Variants in JAKMIP1 observed in about 807,000 individuals in gnomAD.
The protein encoded by JAKMIP1 is janus kinase and microtubule interacting protein 1.
Under a neutral mutation model 113.0 loss-of-function variants are expected in JAKMIP1, and 33 were observed. That is an observed-to-expected ratio of 0.29 (90% CI 0.22 to 0.39). JAKMIP1 has a LOEUF of 0.39. Among genes scored for constraint, JAKMIP1 ranks in the 10% least tolerant of loss-of-function variants. The pLI is 1.00. For missense variants in JAKMIP1, 813 were observed against 1,080.5 expected, an observed-to-expected ratio of 0.75 and a Z score of 3.47; for synonymous variants, 480 against 459.9, an observed-to-expected ratio of 1.04 and a Z score of -0.56.
Position 6,153,113 on chromosome 4 carries a change from C to T in JAKMIP1, c.-147-40116G>A, listed in dbSNP as rs1462053458. 6.6e-6 allele frequency among the ~76,000 whole-genome samples: 1 copy of T among 152,148 alleles called. No homozygotes were observed. Among genetic ancestry groups the T allele is most frequent in the East Asian group, 1.9e-4 (1 of 5,192 alleles). ...CCCTCCCCTACCTGCCTGAAGACTACACAGGCAGATTCACACTTGCCAGCC... is the reference window on the plus strand; with the variant it reads ...CCCTCCCCTACCTGCCTGAAGACTATACAGGCAGATTCACACTTGCCAGCC... On this transcript the variant is annotated intron_variant, in intron 1 of 20. Transcript: ENST00000409021. The surrounding 1 kb of genome is among the most constrained non-coding windows in gnomAD (Gnocchi z 4.9).
intron 1 of JAKMIP1, among the ~76,000 whole-genome samples, chr4:6,198,253 G>A (rs4688973): frequency 0.86 from 131,469 of 152,230 alleles, 57,045 homozygotes; most frequent in East Asian, 0.98. Context: ...GATGGAACCT[G>A]AGAGCTGGGC....
intron 1 of JAKMIP1, among the ~76,000 whole-genome samples, chr4:6,166,336 G>C (rs1233839295): frequency 6.6e-6 from 1 of 152,202 alleles, no homozygotes. Flanking sequence ...GGGCCCCTGG[G>C]CTCCCCTCCC....
At chr4:6,102,851 A>G (rs59065710) in intron 3 of JAKMIP1, among the ~76,000 whole-genome samples, 65,332 of 147,586 alleles carry the variant, frequency 0.44, 16,539 homozygotes, top group East Asian at 0.75. Context: ...CTCCTGCCTC[A>G]GCCTCCTGAG....
rs940738173 is a variant in JAKMIP1, at chr4:6,129,972, T to G, written c.-147-16975A>C. ...ACAAGTCCATCTTGATATGTCCCAG[T>G]GAAGCCAAGTTCAGGAGAAGAGGCC... On this transcript the variant is annotated intron_variant, in intron 1 of 20. Transcript: ENST00000409021. This position sits in a 1 kb window ranked among gnomAD's most constrained non-coding sequence, Gnocchi z 5.4. Among the ~76,000 whole-genome samples the G allele has an allele frequency of 1.3e-5, 2 of 152,164 alleles. No individual in the cohort carries two copies. Among genetic ancestry groups the G allele is most frequent in the Non-Finnish European group, 2.9e-5 (2 of 68,034 alleles).
At chr4:6,131,173 A>AAAAAAAAAAAAAAAAAAAAAAG (rs71173409) in intron 1 of JAKMIP1, among the ~76,000 whole-genome samples, 4 of 95,468 alleles carry the variant, frequency 4.2e-5, no homozygotes, top group Non-Finnish European at 6.1e-5. Flanking sequence ...AAAAAAAAAA[A>AAAAAAAAAAAAAAAAAAAAAAG]AATATCCCAG....
intron 3 of JAKMIP1, among the ~76,000 whole-genome samples, chr4:6,102,185 C>A (rs1397774978): frequency 6.6e-6 from 1 of 152,082 alleles, no homozygotes; most frequent in Non-Finnish European, 1.5e-5. Flanking sequence ...TCTAATTGTT[C>A]ACTGCTGATA....
In JAKMIP1 at chr4:6,141,198, T is replaced by G. The variant is rs372414261; in HGVS notation, c.-147-28201A>C. On this transcript the variant is annotated intron_variant, in intron 1 of 20. Coordinates refer to ENST00000409021, the MANE Select transcript of JAKMIP1 (RefSeq NM_001099433.2). The surrounding 1 kb of genome is among the most constrained non-coding windows in gnomAD (Gnocchi z 9.4). ...TGCCTGTAATCCCAACACTTTGGGATGCTGAGGCAGGCAGATCACTTGAGC... is the reference window on the plus strand; with the variant it reads ...TGCCTGTAATCCCAACACTTTGGGAGGCTGAGGCAGGCAGATCACTTGAGC... Among the ~76,000 whole-genome samples the G allele has an allele frequency of 1.3e-5, 2 of 152,148 alleles. No homozygotes were observed. Among genetic ancestry groups the G allele is most frequent in the Non-Finnish European group, 2.9e-5 (2 of 68,028 alleles).
rs565158850 is a variant in JAKMIP1 at position 6,179,593 on chromosome 4, T to C, written c.-148+20660A>G. ...CCTCTGCAAAAGGTGACCCTGCTCA[T>C]TGCACCAGGCAGAGAACAAGGGAAG... On this transcript the variant is annotated intron_variant, in intron 1 of 20. Coordinates refer to ENST00000409021, the MANE Select transcript of JAKMIP1 (RefSeq NM_001099433.2). This position sits in a 1 kb window ranked among gnomAD's most constrained non-coding sequence, Gnocchi z 4.5. Among the ~76,000 whole-genome samples, 1 of 152,216 alleles carries C rather than the reference T, an allele frequency of 6.6e-6. No individual in the cohort carries two copies. The highest frequency in any genetic ancestry group is 1.5e-5 in the Non-Finnish European group (1 of 68,048).
At chr4:6,039,865 T>C (rs937449469) in intron 18 of JAKMIP1, among the ~76,000 whole-genome samples, 10 of 148,956 alleles carry the variant, frequency 6.7e-5, no homozygotes, top group African/African-American at 2.2e-4. Flanking sequence ...TTTAAAGTCA[T>C]TTTTTTTTTA....
At chr4:6,172,401 T>C (rs765463544) in intron 1 of JAKMIP1, among the ~76,000 whole-genome samples, 1 of 152,142 alleles carries the variant, frequency 6.6e-6, no homozygotes, top group African/African-American at 2.4e-5. Context: ...CTGGGAATAC[T>C]GGAAAGACAA....
chr4:6,057,966 C>G (rs1716719964), intron 11 of JAKMIP1, among the ~76,000 whole-genome samples: 1 of 152,396 alleles, frequency 6.6e-6, no homozygotes, highest in Middle Eastern at 3.4e-3. Context: ...ATCCACAGAA[C>G]TGTGTGCAAA....
At chr4:6,123,993 T>C (rs1717064339) in intron 1 of JAKMIP1, among the ~76,000 whole-genome samples, 1 of 152,230 alleles carries the variant, frequency 6.6e-6, no homozygotes, top group Non-Finnish European at 1.5e-5. Context: ...GTATCAATAA[T>C]GTCAACCAAG....
rs1386925198 is a variant in JAKMIP1, at chr4:6,093,107, T to C, written c.625-7478A>G. Among the ~76,000 whole-genome samples the C allele has an allele frequency of 6.6e-6, 1 of 152,212 alleles. No individual in the cohort carries two copies. The highest frequency in any genetic ancestry group is 2.4e-5 in the African/African-American group (1 of 41,462). ...CTTTGCCAGTGTTTCTCCCTCTGCA[T>C]AGGATCACCTAACAAACTCCTATGC... On this transcript the variant is annotated intron_variant, in intron 3 of 20. Transcript: ENST00000409021. This position sits in a 1 kb window ranked among gnomAD's most constrained non-coding sequence, Gnocchi z 4.6.
At chr4:6,057,257 C>T (rs1716604253) in intron 11 of JAKMIP1, among the ~76,000 whole-genome samples, 1 of 152,244 alleles carries the variant, frequency 6.6e-6, no homozygotes, top group South Asian at 2.1e-4. Flanking sequence ...TGGCACAGTG[C>T]CTGTCACATG....
rs916054558 is a variant in JAKMIP1 at position 6,193,099 on chromosome 4, C to T, written c.-148+7154G>A. ...AGGCAGGAGAAGATGGAAGAGCAAA[C>T]TTGCTGAGTCTTCTGGCCCCATCTT... On this transcript the variant is annotated intron_variant, in intron 1 of 20. Coordinates refer to ENST00000409021, the MANE Select transcript of JAKMIP1 (RefSeq NM_001099433.2). This position sits in a 1 kb window ranked among gnomAD's most constrained non-coding sequence, Gnocchi z 6.4. Among the ~76,000 whole-genome samples, 5 of 152,148 alleles carry T rather than the reference C, an allele frequency of 3.3e-5. No homozygotes were observed. Among genetic ancestry groups the T allele is most frequent in the African/African-American group, 9.7e-5 (4 of 41,436 alleles).
In JAKMIP1 at chr4:6,156,398, A is replaced by G. The variant is rs148128172; in HGVS notation, c.-147-43401T>C. 8.1e-3 allele frequency among the ~76,000 whole-genome samples: 1,239 copies of G among 152,364 alleles called. 9 individuals carry two copies. Among genetic ancestry groups the G allele is most frequent in the Non-Finnish European group, 0.013 (860 of 68,036 alleles). On this transcript the variant is annotated intron_variant, in intron 1 of 20. Transcript: ENST00000409021. The surrounding 1 kb of genome is among the most constrained non-coding windows in gnomAD (Gnocchi z 5.0). ...AATAATGATGCATGTCCCAATTGAC[A>G]GCAGCTTAGATTTAATAAAATACGG...
rs1477207338 is a variant in JAKMIP1 at position 6,040,510 on chromosome 4, A to T, written c.2175+129T>A. ...TACGGTCATTCCAGTCACAAGGTGGAGATGGCATTTTTATCACTCCTGTTT... is the reference window on the plus strand; with the variant it reads ...TACGGTCATTCCAGTCACAAGGTGGTGATGGCATTTTTATCACTCCTGTTT... On this transcript the variant is annotated intron_variant, in intron 18 of 20. Coordinates refer to ENST00000409021, the MANE Select transcript of JAKMIP1 (RefSeq NM_001099433.2). This position sits in a 1 kb window ranked among gnomAD's most constrained non-coding sequence, Gnocchi z 5.8. 6 of 721,566 alleles carry T rather than the reference A, an allele frequency of 8.3e-6. No individual in the cohort carries two copies. The highest frequency in any genetic ancestry group is 1.5e-5 in the Non-Finnish European group (6 of 390,632). The allele number at this position is 721,566 out of a possible 1,614,324, so 44.7% of individuals were successfully genotyped here. A position where few individuals can be genotyped will look rare whatever the true frequency, so the allele number is the denominator to read the frequency against.
rs1000063394 is a variant in JAKMIP1, at chr4:6,140,427, A to C, written c.-147-27430T>G. On this transcript the variant is annotated intron_variant, in intron 1 of 20. Coordinates refer to ENST00000409021, the MANE Select transcript of JAKMIP1 (RefSeq NM_001099433.2). This position sits in a 1 kb window ranked among gnomAD's most constrained non-coding sequence, Gnocchi z 9.4. ...CCCCCAAAAGGCCCACCACAGACCC[A>C]CCCCAGGAGTGTGTGCTCAGGTCCT... Among the ~76,000 whole-genome samples the C allele has an allele frequency of 4.6e-5, 7 of 151,412 alleles. No homozygotes were observed. The highest frequency in any genetic ancestry group is 1.5e-5 in the Non-Finnish European group (1 of 67,894).
chr4:6,066,379 G>A (rs1200007955), intron 8 of JAKMIP1, among the ~76,000 whole-genome samples: 4 of 152,106 alleles, frequency 2.6e-5, no homozygotes, highest in South Asian at 2.1e-4. Context: ...ACCACCACAC[G>A]TCACCCAGAA....
Sources: allele counts gnomAD v4.1 joint callset (sites outside exome capture counted in the v4.1 genomes callset), GRCh38; gene constraint gnomAD v4.1.1; non-coding constraint Gnocchi (gnomAD v3.1); transcripts MANE v1.5; gene names NCBI Gene and HGNC (gene_info 2026-07-23, HGNC 2026-07-21).